COL27A1: variants seen among roughly 807,000 people sequenced by gnomAD.
The protein encoded by COL27A1 is collagen alpha-1(XXVII) chain.
COL27A1 carries 106 observed loss-of-function variants against 251.3 expected under a neutral mutation model. The observed-to-expected ratio is 0.42, with a 90% CI of 0.36 to 0.50. COL27A1 has a LOEUF of 0.50. COL27A1 is among the 20% of genes least tolerant of loss of function. The pLI is 0.00. For missense variants in COL27A1, 2,325 were observed against 2,522.8 expected, an observed-to-expected ratio of 0.92 and a Z score of 1.68; for synonymous variants, 1,000 against 986.3, an observed-to-expected ratio of 1.01 and a Z score of -0.26.
At position 114,310,737 on chromosome 9, in the gene COL27A1, A is replaced by C; in HGVS notation, c.*42A>C. ...CACTCTAGGCCTCACGGAGGAGGGA[A>C]GAGGAAGAGGCAAGGGGAGGGTACT... is the stretch of plus-strand genomic sequence containing the variant. On this transcript the variant is annotated 3_prime_UTR_variant, in exon 61 of 61. Coordinates refer to ENST00000356083, the MANE Select transcript of COL27A1 (RefSeq NM_032888.4). 6.2e-7 allele frequency: 1 copy of C among 1,609,244 alleles called. No homozygotes were observed. Among genetic ancestry groups the C allele is most frequent in the Non-Finnish European group, 8.5e-7 (1 of 1,176,612 alleles).
chr9:114,247,415 A>AT (rs1187679694), intron 24 of COL27A1, among the ~76,000 whole-genome samples: 1 of 152,170 alleles, frequency 6.6e-6, no homozygotes, highest in African/African-American at 2.4e-5. Context: ...AAGAGTTTTA[A>AT]TTTTTTTCCA....
At chr9:114,193,057 G>A (rs1828858213) in intron 5 of COL27A1, among the ~76,000 whole-genome samples, 1 of 152,184 alleles carries the variant, frequency 6.6e-6, no homozygotes, top group South Asian at 2.1e-4. Context: ...CACTTTAAAG[G>A]TGAGGGAGCT....
At chr9:114,264,590 C>T (rs1366683330) in intron 29 of COL27A1, among the ~76,000 whole-genome samples, 182 bp downstream of exon 29, 2 of 152,126 alleles carry the variant, frequency 1.3e-5, no homozygotes, top group Non-Finnish European at 2.9e-5. Flanking sequence ...ACTGCAAGCC[C>T]AATAAAGAGA....
At chr9:114,272,790 G>T (rs143672106) in intron 36 of COL27A1, 1 of 152,162 alleles carries the variant, frequency 6.6e-6, no homozygotes. Context: ...ATTCAGTAGC[G>T]GTAGCAAGAT....
Position 114,162,751 on chromosome 9 carries a change from C to T in COL27A1, c.99C>T (p.Ala33=), listed in dbSNP as rs2135027901. 2 of 1,613,212 alleles carry T rather than the reference C, an allele frequency of 1.2e-6. No individual in the cohort carries two copies. Among genetic ancestry groups the T allele is most frequent in the Non-Finnish European group, 1.7e-6 (2 of 1,179,762 alleles). The change falls in exon 2 of 61, where the codon GCC becomes GCT. Residue 33 remains alanine (A), a synonymous_variant. Coordinates refer to ENST00000356083, the MANE Select transcript of COL27A1 (RefSeq NM_032888.4). The part of the protein sequence containing the change: ...FLFSWILVSF[A]CHLASTQGAP... ...TCTCCTGGATCTTAGTCTCGTTTGC[C>T]TGTCACCTGGCCTCCACCCAAGGAG...
rs1419984870 is a variant in COL27A1 at position 114,288,528 on chromosome 9, C to T, written c.4044+17C>T. ...GGAGATCGGGTAAGCCCCCTCCCTC[C>T]CCTGGACCATGTGGCGTCCTAGGTG... On this transcript the variant is annotated intron_variant, in intron 42 of 60. Transcript: ENST00000356083. The T allele has an allele frequency of 1.9e-6, 3 of 1,598,062 alleles. No individual in the cohort carries two copies. Among genetic ancestry groups the T allele is most frequent in the Non-Finnish European group, 2.6e-6 (3 of 1,173,648 alleles).
intron 36 of COL27A1, chr9:114,272,181 T>C (rs1455748843): frequency 2.6e-5 from 4 of 152,358 alleles, no homozygotes; most frequent in East Asian, 1.9e-4. Context: ...TAATAATTAA[T>C]GTTCCCAGCA....
chr9:114,220,251 A>C (rs1044798260), intron 13 of COL27A1, among the ~76,000 whole-genome samples: 1 of 152,198 alleles, frequency 6.6e-6, no homozygotes, highest in African/African-American at 2.4e-5. Context: ...GGAAGAGCTG[A>C]GTTCCAAAGG....
intron 60 of COL27A1, 53 bp from the exon 61 acceptor site, chr9:114,310,496 G>C (rs765619547): frequency 6.9e-6 from 11 of 1,599,898 alleles, no homozygotes; most frequent in Non-Finnish European, 8.6e-6. Context: ...TGCTCATGAT[G>C]TATGATAAGA....
intron 28 of COL27A1, among the ~76,000 whole-genome samples, chr9:114,259,999 G>T (rs967319328): frequency 6.7e-6 from 1 of 149,014 alleles, no homozygotes; most frequent in Non-Finnish European, 1.5e-5. Context: ...TCTGGGTGGG[G>T]GGGGGGTCTC....
intron 14 of COL27A1, among the ~76,000 whole-genome samples, chr9:114,225,920 A>G (rs1831440950): frequency 6.6e-6 from 1 of 152,162 alleles, no homozygotes; most frequent in Non-Finnish European, 1.5e-5. Context: ...TGCGAAGCCG[A>G]GGTCACCAGT....
chr9:114,219,712 C>A (rs765786363), intron 12 of COL27A1, 79 bp from the exon 13 acceptor site: 2 of 1,002,506 alleles, frequency 2.0e-6, no homozygotes, highest in Non-Finnish European at 1.6e-6. Flanking sequence ...TTGTGTCCCC[C>A]CTGGGGGTCT....
intron 27 of COL27A1, among the ~76,000 whole-genome samples, chr9:114,254,204 G>A (rs1833767404): frequency 6.6e-6 from 1 of 152,222 alleles, no homozygotes; most frequent in African/African-American, 2.4e-5. Context: ...GGACAAACAG[G>A]GCTGAGGGTC....
chr9:114,254,126 G>C (rs1166354483), intron 27 of COL27A1, among the ~76,000 whole-genome samples: 2 of 152,078 alleles, frequency 1.3e-5, no homozygotes, highest in Admixed American at 1.3e-4. Flanking sequence ...GGTATGGGGG[G>C]GCAGGGTAGA....
At chr9:114,294,892 T>A (rs971305876) in intron 49 of COL27A1, among the ~76,000 whole-genome samples, 6 of 152,184 alleles carry the variant, frequency 3.9e-5, no homozygotes, top group African/African-American at 7.2e-5. Context: ...AAGGAAGAAT[T>A]AAAACTTTTC....
chr9:114,302,746 G>C (rs1028917021), intron 56 of COL27A1, among the ~76,000 whole-genome samples: 2 of 149,118 alleles, frequency 1.3e-5, no homozygotes, highest in Admixed American at 1.3e-4. Context: ...AAAAAACAAA[G>C]AGAGTCGGGC....
At chr9:114,292,707 C>T (rs1250337158) in intron 49 of COL27A1, among the ~76,000 whole-genome samples, 2 of 152,146 alleles carry the variant, frequency 1.3e-5, no homozygotes, top group African/African-American at 4.8e-5. Flanking sequence ...TACAAGAAAT[C>T]CACTTCAAAT....
chr9:114,293,037 C>G (rs534892812), intron 49 of COL27A1, among the ~76,000 whole-genome samples: 6 of 152,158 alleles, frequency 3.9e-5, no homozygotes, highest in Middle Eastern at 3.2e-3. Flanking sequence ...ATGGGTAGAA[C>G]AGAAGCAAAC....
At chr9:114,261,472 C>A (rs930861891) in intron 28 of COL27A1, among the ~76,000 whole-genome samples, 1 of 152,158 alleles carries the variant, frequency 6.6e-6, no homozygotes, top group Non-Finnish European at 1.5e-5. Flanking sequence ...TTAGAGTGTG[C>A]GGCTGTTCTC....
Sources: gnomAD v4.1 joint callset for allele counts (sites outside exome capture counted in the v4.1 genomes callset) on GRCh38, gnomAD v4.1.1 for gene constraint, MANE v1.5 for transcripts, NCBI Gene and HGNC (gene_info 2026-07-23, HGNC 2026-07-21) for gene names.